Variants in RBPJ observed in about 807,000 individuals in gnomAD.
RBPJ encodes the protein recombining binding protein suppressor of hairless.
Under a neutral mutation model 67.8 loss-of-function variants are expected in RBPJ, and 9 were observed. The ratio of observed to expected loss-of-function variants is 0.13; its 90% CI spans 0.08 to 0.23. The LOEUF (loss-of-function observed/expected upper bound fraction) is 0.23, where lower values mean the gene tolerates loss of function less well. Ranked by LOEUF, RBPJ falls within the 10% of genes least tolerant of loss-of-function variation. The pLI is 1.00. For synonymous variants in RBPJ, 198 were observed against 203.3 expected, an observed-to-expected ratio of 0.97 and a Z score of 0.22; for missense variants, 305 against 595.6, an observed-to-expected ratio of 0.51 and a Z score of 5.08.
At chr4:26,402,986 A>G (rs565090895) in intron 2 of RBPJ, among the ~76,000 whole-genome samples, 3 of 152,308 alleles carry the variant, frequency 2.0e-5, no homozygotes, top group African/African-American at 4.8e-5. Flanking sequence ...GTCCCCTACT[A>G]TCTTCTGTTA....
chr4:26,406,113 A>G (rs934581066), intron 2 of RBPJ, 62 bp from the exon 3 acceptor site: 6 of 1,055,968 alleles, frequency 5.7e-6, no homozygotes, highest in African/African-American at 3.1e-5. Context: ...GAGCGTAGTA[A>G]TGATGAAAGA....
intron 1 of RBPJ, among the ~76,000 whole-genome samples, chr4:26,273,767 C>T (rs1467586717): frequency 6.6e-6 from 1 of 152,242 alleles, no homozygotes; most frequent in Non-Finnish European, 1.5e-5. Flanking sequence ...CTGGTAACCA[C>T]AGCCATTCCC....
chr4:26,147,830 G>T, the RBPJ span, among the ~76,000 whole-genome samples: 1 of 152,184 alleles, frequency 6.6e-6, no homozygotes, highest in African/African-American at 2.4e-5. Flanking sequence ...GGAGGCTGTT[G>T]CAGTAATTTG....
chr4:26,386,094 C>G (rs1577580418), intron 1 of RBPJ, among the ~76,000 whole-genome samples: 1 of 152,130 alleles, frequency 6.6e-6, no homozygotes, highest in African/African-American at 2.4e-5. Context: ...CTAAAAGATA[C>G]CTGTCCTCCC....
chr4:26,242,218 C>T (rs1051702655), intron 1 of RBPJ, among the ~76,000 whole-genome samples: 3 of 151,950 alleles, frequency 2.0e-5, no homozygotes, highest in East Asian at 1.9e-4. Flanking sequence ...GAGCCCGAGG[C>T]GGGCGGATCA....
intron 1 of RBPJ, among the ~76,000 whole-genome samples, chr4:26,281,347 C>T (rs77395558): frequency 0.13 from 19,995 of 152,014 alleles, 1,706 homozygotes; most frequent in East Asian, 0.27. Flanking sequence ...GGCGTAAACT[C>T]GGCTCACTGC....
At chr4:26,161,181 G>C (rs1346200878), upstream of RBPJ, among the ~76,000 whole-genome samples, 1 of 152,214 alleles carries the variant, frequency 6.6e-6, no homozygotes, top group Non-Finnish European at 1.5e-5. Flanking sequence ...GCTGCCACCA[G>C]TGTGTAATCA....
intron 1 of RBPJ, among the ~76,000 whole-genome samples, chr4:26,221,256 A>C (rs914015432): frequency 4.6e-5 from 7 of 152,056 alleles, no homozygotes; most frequent in South Asian, 2.1e-4. Context: ...ACGCCCGGCT[A>C]ATTTTTTGTA....
chr4:26,270,441 A>AAAGAAAGAAAGAAAGAAGG (rs1560238059), intron 1 of RBPJ, among the ~76,000 whole-genome samples: 3 of 116,308 alleles, frequency 2.6e-5, no homozygotes, highest in African/African-American at 1.0e-4. Flanking sequence ...AAGAAAGAAG[A>AAAGAAAGAAAGAAAGAAGG]AAGAAAGAAA....
At chr4:26,164,171 G>C (rs980522338) in intron 1 of RBPJ, among the ~76,000 whole-genome samples, 2 of 152,182 alleles carry the variant, frequency 1.3e-5, no homozygotes, top group Non-Finnish European at 2.9e-5. Flanking sequence ...GATTTTCAGG[G>C]ACAGAGAAAG....
intron 1 of RBPJ, among the ~76,000 whole-genome samples, chr4:26,214,447 AG>A (rs1331070548): frequency 7.0e-6 from 1 of 143,456 alleles, no homozygotes; most frequent in Non-Finnish European, 1.5e-5. Flanking sequence ...AGAAAGAGAA[AG>A]AAAAAGAAAG....
chr4:26,113,573 T>C, the RBPJ span: 5 of 449,886 alleles, frequency 1.1e-5, no homozygotes, highest in Non-Finnish European at 2.2e-5. Context: ...GCAGAAGCCC[T>C]ATGAATGCAA....
At chr4:26,301,487 G>C (rs1456272187) in intron 1 of RBPJ, among the ~76,000 whole-genome samples, 1 of 151,780 alleles carries the variant, frequency 6.6e-6, no homozygotes, top group Non-Finnish European at 1.5e-5. Context: ...AGCTACTCGG[G>C]AGGCTGAGGC....
chr4:26,280,273 G>C (rs1323947954), intron 1 of RBPJ, among the ~76,000 whole-genome samples: 1 of 151,600 alleles, frequency 6.6e-6, no homozygotes, highest in Non-Finnish European at 1.5e-5. Flanking sequence ...GCAGGTGCCT[G>C]TAATCCCAGC....
intron 1 of RBPJ, among the ~76,000 whole-genome samples, chr4:26,255,642 A>C (rs1414066877): frequency 2.0e-5 from 3 of 150,472 alleles, no homozygotes; most frequent in Non-Finnish European, 4.4e-5. Flanking sequence ...CTCTACTAAA[A>C]ATACAAAAAA....
upstream of RBPJ, among the ~76,000 whole-genome samples, chr4:26,319,325 C>A (rs1420050518): frequency 6.6e-6 from 1 of 152,212 alleles, no homozygotes; most frequent in Non-Finnish European, 1.5e-5. Flanking sequence ...CCGTTCGAGG[C>A]TCCCCACCCC....
intron 1 of RBPJ, among the ~76,000 whole-genome samples, chr4:26,191,208 T>TAGAAAG (rs1193671956): frequency 3.7e-5 from 1 of 27,248 alleles, no homozygotes; most frequent in African/African-American, 1.3e-4. Flanking sequence ...TATATATATA[T>TAGAAAG]ATAGAGAGAG....
At chr4:26,291,782 G>A (rs1340856819) in intron 1 of RBPJ, among the ~76,000 whole-genome samples, 3 of 150,592 alleles carry the variant, frequency 2.0e-5, no homozygotes, top group Non-Finnish European at 4.4e-5. Context: ...CACCATGTTG[G>A]CCAGGCTGGT....
chr4:26,283,380 A>G (rs1721346411), intron 1 of RBPJ, among the ~76,000 whole-genome samples: 1 of 151,530 alleles, frequency 6.6e-6, no homozygotes, highest in South Asian at 2.1e-4. Context: ...CCCCGTCTCT[A>G]CTAAGACTAC....
Sources: gnomAD v4.1 joint callset for allele counts (sites outside exome capture counted in the v4.1 genomes callset) on GRCh38, gnomAD v4.1.1 for gene constraint, MANE v1.5 for transcripts, NCBI Gene and HGNC (gene_info 2026-07-23, HGNC 2026-07-21) for gene names.